Variants in KDM5A observed in about 807,000 individuals in gnomAD.
KDM5A encodes the protein lysine-specific demethylase 5A.
A neutral mutation model predicts 193.5 loss-of-function variants in KDM5A; 42 were observed. That is an observed-to-expected ratio of 0.22 (90% CI 0.17 to 0.28). The LOEUF is 0.28. Ranked by LOEUF, KDM5A falls within the 10% of genes least tolerant of loss-of-function variation. KDM5A has a pLI of 1.00. For synonymous variants in KDM5A, 796 were observed against 718.1 expected (o/e 1.11, Z -1.73); for missense variants, 1,692 against 2,055.1 (o/e 0.82, Z 3.42).
At chr12:349,211 G>A (rs1944118077) in intron 10 of KDM5A, among the ~76,000 whole-genome samples, 1 of 151,546 alleles carries the variant, frequency 6.6e-6, no homozygotes, top group Non-Finnish European at 1.5e-5. Flanking sequence ...GTAGAGACGG[G>A]GTTTCACCAT....
chr12:362,928 AT>A, intron 5 of KDM5A, 34 bp downstream of exon 5: 1 of 1,604,704 alleles, frequency 6.2e-7, no homozygotes. Flanking sequence ...CTACATCTTT[AT>A]TTAAAAATTT....
In KDM5A at chr12:285,603, A is replaced by T; in HGVS notation, c.4926T>A (p.Gly1642=). Residue 1642 remains glycine (G), a synonymous_variant, in exon 28 of 28, where the codon GGT becomes GGA. Coordinates refer to ENST00000399788, the MANE Select transcript of KDM5A (RefSeq NM_001042603.3). ...CDEWFHQVCV[G]VSPEMAENED... is the part of the protein sequence containing the mutation. Reference sequence around the variant, plus strand: ...CATTTTCAGCCATTTCTGGAGATACACCCACACAAACTTGATGAAACCACT... The same window carrying T: ...CATTTTCAGCCATTTCTGGAGATACTCCCACACAAACTTGATGAAACCACT... 1 of 1,614,050 alleles carries T rather than the reference A, an allele frequency of 6.2e-7. No homozygotes were observed. Among genetic ancestry groups the T allele is most frequent in the Non-Finnish European group, 8.5e-7 (1 of 1,179,950 alleles).
At chr12:387,459 A>C (rs931426655) in intron 1 of KDM5A, among the ~76,000 whole-genome samples, 1 of 152,240 alleles carries the variant, frequency 6.6e-6, no homozygotes, top group Non-Finnish European at 1.5e-5. Context: ...TCAATGCTTA[A>C]GATTTGTTAA....
At chr12:346,764 C>G (rs1306804104) in intron 10 of KDM5A, among the ~76,000 whole-genome samples, 2 of 152,082 alleles carry the variant, frequency 1.3e-5, no homozygotes, top group Non-Finnish European at 2.9e-5. Flanking sequence ...TGGAATGTAT[C>G]TCAAAATAAT....
intron 27 of KDM5A, among the ~76,000 whole-genome samples, 165 bp from the exon 28 acceptor site, chr12:285,827 T>C (rs1413457055): frequency 6.6e-6 from 1 of 152,204 alleles, no homozygotes; most frequent in Non-Finnish European, 1.5e-5. Flanking sequence ...AGCTGAGAAG[T>C]TAATACCCCA....
chr12:309,668 T>A, intron 22 of KDM5A, 135 bp downstream of exon 22: 1 of 881,284 alleles, frequency 1.1e-6, no homozygotes, highest in Non-Finnish European at 1.8e-6. Context: ...TTACTTTTAA[T>A]GTGAAATATG....
chr12:299,078 G>C (rs896456110), intron 24 of KDM5A, among the ~76,000 whole-genome samples: 18 of 152,222 alleles, frequency 1.2e-4, no homozygotes, highest in Admixed American at 3.3e-4. Flanking sequence ...CATTTGATTG[G>C]TGTACCTGTG....
chr12:342,480 GAC>G (rs1369060666), intron 10 of KDM5A, among the ~76,000 whole-genome samples: 3 of 151,920 alleles, frequency 2.0e-5, no homozygotes, highest in East Asian at 1.9e-4. Flanking sequence ...TCCTCTTGGA[GAC>G]AGAGTCTTGC....
intron 19 of KDM5A, among the ~76,000 whole-genome samples, chr12:315,798 A>C (rs1178954543): frequency 1.3e-5 from 2 of 152,202 alleles, no homozygotes; most frequent in African/African-American, 4.8e-5. Context: ...GAAACAAAGG[A>C]GGAGGCTATG....
At chr12:310,287 A>C (rs1210325468) in intron 21 of KDM5A, among the ~76,000 whole-genome samples, 1 of 152,220 alleles carries the variant, frequency 6.6e-6, no homozygotes, top group Non-Finnish European at 1.5e-5. Flanking sequence ...CAACTGCTCA[A>C]GATGAAAGGG....
At chr12:351,057 G>A (rs1323806921) in intron 9 of KDM5A, among the ~76,000 whole-genome samples, 1 of 152,142 alleles carries the variant, frequency 6.6e-6, no homozygotes. Flanking sequence ...AATCAAGGAG[G>A]AACAAGGAAA....
At chr12:380,720 C>CT (rs1472931709) in intron 3 of KDM5A, among the ~76,000 whole-genome samples, 3 of 148,904 alleles carry the variant, frequency 2.0e-5, no homozygotes, top group Non-Finnish European at 4.5e-5. Flanking sequence ...GAGACTCTGT[C>CT]TAAAAAAAAA....
At position 295,733 on chromosome 12, in the gene KDM5A, G is replaced by C. The variant is rs748116684; in HGVS notation, c.4295C>G (p.Pro1432Arg). 5 of 1,613,952 alleles carry C rather than the reference G, an allele frequency of 3.1e-6. No homozygotes were observed. The Admixed American group carries it at 8.3e-5, about 27-fold the overall frequency. Residue 1432 changes from proline (P) to arginine (R), a missense_variant, in exon 26 of 28, where the codon CCT becomes CGT. Pro to Arg is a moderately radical substitution (Grantham distance 103). Transcript: ENST00000399788. Reference protein sequence around the residue: ...KSPLVPRSLEPPVLELSPGAK... With the variant: ...KSPLVPRSLERPVLELSPGAK... The stretch of plus-strand genomic sequence containing the variant: ...TCCAGGTGACAACTCCAGCACTGGA[G>C]GTTCCAAACTTCGGGGCACCAAAGG...
chr12:308,660 TA>T (rs1943543912), intron 22 of KDM5A, among the ~76,000 whole-genome samples: 1 of 152,258 alleles, frequency 6.6e-6, no homozygotes, highest in South Asian at 2.1e-4. Flanking sequence ...ATTTTCTTGT[TA>T]AACTACTGGC....
At position 307,683 on chromosome 12, in the gene KDM5A, T is replaced by C; in HGVS notation, c.3701A>G (p.Gln1234Arg). ...TTCAGGCAACCGTACGGGCAACTTC[T>C]GAAGGGATACCAGGAGTGACAGAAT... ...ETILSLLVSL[Q>R]KLPVRLPEGE... The change falls in exon 23 of 28, where the codon CAG becomes CGG. Residue 1234 changes from glutamine to arginine, a missense_variant. This residue lies in a region of KDM5A where 965 missense variants were observed against 1,061.0 expected (regional missense o/e 0.91). Coordinates refer to ENST00000399788, the MANE Select transcript of KDM5A (RefSeq NM_001042603.3). This position sits in a 1 kb window ranked among gnomAD's most constrained non-coding sequence, Gnocchi z 4.3. The C allele has an allele frequency of 6.2e-7, 1 of 1,614,200 alleles. No homozygotes were observed. The highest frequency in any genetic ancestry group is 8.5e-7 in the Non-Finnish European group (1 of 1,180,038).
At chr12:299,338 ACAGCGGAT>A (rs1943412332) in intron 24 of KDM5A, among the ~76,000 whole-genome samples, 1 of 152,242 alleles carries the variant, frequency 6.6e-6, no homozygotes, top group African/African-American at 2.4e-5. Context: ...CATCAGACTA[ACAGCGGAT>A]CTCTCGCAGA....
At chr12:367,195 C>G (rs78202376) in intron 3 of KDM5A, among the ~76,000 whole-genome samples, 4,429 of 152,254 alleles carry the variant, frequency 0.029, 82 homozygotes, top group Middle Eastern at 0.044. Context: ...GACTGTGACA[C>G]AGTGTTCAAA....
At chr12:298,511 A>T (rs1027755048) in intron 24 of KDM5A, among the ~76,000 whole-genome samples, 1 of 152,188 alleles carries the variant, frequency 6.6e-6, no homozygotes, top group Admixed American at 6.5e-5. Flanking sequence ...AACATCAACA[A>T]AAAGGACGTC....
chr12:316,277 CATTT>C (rs966235031), intron 19 of KDM5A, among the ~76,000 whole-genome samples: 13 of 152,148 alleles, frequency 8.5e-5, no homozygotes, highest in Admixed American at 3.3e-4. Flanking sequence ...GAAATTCATT[CATTT>C]ATTTCTCTCT....
Sources: allele counts gnomAD v4.1 joint callset (sites outside exome capture counted in the v4.1 genomes callset), GRCh38; gene constraint gnomAD v4.1.1; regional missense constraint gnomAD v4.1.1; non-coding constraint Gnocchi (gnomAD v3.1); transcripts MANE v1.5; gene names NCBI Gene and HGNC (gene_info 2026-07-23, HGNC 2026-07-21).